Variants in GANAB observed in about 807,000 individuals in gnomAD.
The protein encoded by GANAB is neutral alpha-glucosidase AB.
GANAB carries 35 observed loss-of-function variants against 129.9 expected under a neutral mutation model. That is an observed-to-expected ratio of 0.27 (90% CI 0.21 to 0.36). The LOEUF (loss-of-function observed/expected upper bound fraction) is 0.36, where lower values mean the gene tolerates loss of function less well. GANAB is among the 10% of genes least tolerant of loss of function. The probability of loss-of-function intolerance (pLI) is 1.00; values close to 1 mark genes in which losing one functional copy is unlikely to be tolerated. For missense variants in GANAB, 939 were observed against 1,221.0 expected (o/e 0.77, Z 3.44); for synonymous variants, 482 against 451.8 (o/e 1.07, Z -0.85).
intron 1 of GANAB, among the ~76,000 whole-genome samples, chr11:62,646,179 C>T (rs1182822359): frequency 6.6e-6 from 1 of 152,238 alleles, no homozygotes; most frequent in South Asian, 2.1e-4. Flanking sequence ...CGCGGGGCCG[C>T]AGGCTGCATT....
At position 62,628,812 on chromosome 11, in the gene GANAB, T is replaced by C; in HGVS notation, c.2137A>G (p.Thr713Ala). 6.2e-7 allele frequency: 1 copy of C among 1,614,022 alleles called. No individual in the cohort carries two copies. Among genetic ancestry groups the C allele is most frequent in the Non-Finnish European group, 8.5e-7 (1 of 1,179,990 alleles). Residue 713 changes from threonine (T) to alanine (A), a missense_variant, in exon 17 of 24, where the codon ACC becomes GCC. Thr to Ala is a moderately conservative substitution (Grantham distance 58). Transcript: ENST00000356638. The part of the protein sequence containing the change: ...QRYSLLPFWY[T>A]LLYQAHREGI... Reference sequence around the variant, plus strand: ...TCCCGATGGGCCTGATATAAGAGGGTGTACCAGAAGGGCAGCAAAGAATAT... The same window carrying C: ...TCCCGATGGGCCTGATATAAGAGGGCGTACCAGAAGGGCAGCAAAGAATAT...
chr11:62,646,414 G>C, intron 1 of GANAB, 148 bp downstream of exon 1: 4 of 854,552 alleles, frequency 4.7e-6, no homozygotes, highest in Non-Finnish European at 7.5e-6. Flanking sequence ...GGGGAGACCG[G>C]AGGCGTCTGA....
intron 4 of GANAB, among the ~76,000 whole-genome samples, chr11:62,638,757 C>G (rs1172664985): frequency 6.6e-6 from 1 of 151,886 alleles, no homozygotes; most frequent in African/African-American, 2.4e-5. Flanking sequence ...CCAGGCCTGT[C>G]AGGGAGGAAA....
At chr11:62,634,030 G>T in intron 5 of GANAB, 1 of 430,386 alleles carries the variant, frequency 2.3e-6, no homozygotes, top group Non-Finnish European at 4.2e-6. Flanking sequence ...GTGCCCCTCA[G>T]CTGAGAGTCA....
intron 1 of GANAB, 86 bp downstream of exon 1, chr11:62,646,476 G>C: frequency 6.8e-7 from 1 of 1,477,516 alleles, no homozygotes; most frequent in Middle Eastern, 1.7e-4. Context: ...GTGGCAGAGT[G>C]TCAAGAGACA....
At position 62,631,080 on chromosome 11, in the gene GANAB, A is replaced by T; in HGVS notation, c.1100T>A (p.Leu367Gln). ...AACATCAGAGATGGAGGGCCCCAGC[A>T]GCAGGAAGACGTCAATGATGCCAGT... ...SETGIIDVFL[L>Q]LGPSISDVFR... is the part of the protein sequence containing the mutation. Residue 367 changes from leucine (L) to glutamine (Q), a missense_variant, in exon 10 of 24, where the codon CTG becomes CAG. Around this residue, in one of 5 missense-constraint regions of GANAB, gnomAD observed 220 missense variants for 295.9 expected, o/e 0.74. Coordinates refer to ENST00000356638, the MANE Select transcript of GANAB (RefSeq NM_198334.3). 6.2e-7 allele frequency: 1 copy of T among 1,611,260 alleles called. No homozygotes were observed. Among genetic ancestry groups the T allele is most frequent in the Non-Finnish European group, 8.5e-7 (1 of 1,177,522 alleles).
intron 1 of GANAB, among the ~76,000 whole-genome samples, chr11:62,645,899 A>C (rs1312634481): frequency 6.6e-6 from 1 of 152,098 alleles, no homozygotes; most frequent in Non-Finnish European, 1.5e-5. Context: ...CACTGGTGAT[A>C]TGTTTCGAAT....
At chr11:62,638,764 G>A (rs1426801196) in intron 4 of GANAB, among the ~76,000 whole-genome samples, 1 of 152,104 alleles carries the variant, frequency 6.6e-6, no homozygotes, top group Non-Finnish European at 1.5e-5. Context: ...TGTCAGGGAG[G>A]AAAAAGCAAT....
rs1296882818 is a variant in GANAB, at chr11:62,630,816, G to A, written c.1171C>T (p.Leu391Phe). The A allele has an allele frequency of 1.2e-6, 2 of 1,613,696 alleles. No homozygotes were observed. The highest frequency in any genetic ancestry group is 1.3e-5 in the African/African-American group (1 of 74,908). The stretch of plus-strand genomic sequence containing the variant: ...CTCTGGTGGTAGCCGAGGGAGAAGA[G>A]TGGGGGCAACGCCTGGGTTCCTGCA... ...SLTGTQALPP[L>F]FSLGYHQSRW... The change falls in exon 11 of 24, where the codon CTC becomes TTC. Residue 391 changes from leucine to phenylalanine, a missense_variant. Leu to Phe is a conservative substitution (Grantham distance 22). Around this residue, in one of 5 missense-constraint regions of GANAB, gnomAD observed 220 missense variants for 295.9 expected, o/e 0.74. Coordinates refer to ENST00000356638, the MANE Select transcript of GANAB (RefSeq NM_198334.3).
rs114337787 is a variant in GANAB, at chr11:62,632,458, C to A, written c.996+107G>T. The A allele has an allele frequency of 2.8e-3, 2,271 of 822,130 alleles. 37 individuals carry two copies. In the African/African-American group the frequency reaches 0.035, roughly 13 times the overall value. The allele number at this position is 822,130 out of a possible 1,614,324, so 50.9% of individuals were successfully genotyped here. ...CAAATGCTGCCCACCAGGCCCACAG[C>A]CCCTTCTTAAACCCAGTCCCCAAAT... On this transcript the variant is annotated intron_variant, in intron 9 of 23. Coordinates refer to ENST00000356638, the MANE Select transcript of GANAB (RefSeq NM_198334.3).
intron 3 of GANAB, 90 bp from the exon 4 acceptor site, chr11:62,639,200 C>A: frequency 7.0e-7 from 1 of 1,438,290 alleles, no homozygotes; most frequent in Non-Finnish European, 9.7e-7. Flanking sequence ...GGGGTTTCTT[C>A]CTTTGAGCCC....
In GANAB at chr11:62,646,161, C is replaced by T. The variant is rs571363412; in HGVS notation, c.38+401G>A. Among the ~76,000 whole-genome samples, 3 of 152,296 alleles carry T rather than the reference C, an allele frequency of 2.0e-5. No individual in the cohort carries two copies. The South Asian group carries it at 6.2e-4, about 32-fold the overall frequency. On this transcript the variant is annotated intron_variant, in intron 1 of 23. Coordinates refer to ENST00000356638, the MANE Select transcript of GANAB (RefSeq NM_198334.3). ...GCTGGCCCGGTGCTTCCAGCTCAGC[C>T]GAGGGGCCGCGGGGCCGCAGGCTGC...
intron 1 of GANAB, among the ~76,000 whole-genome samples, chr11:62,641,091 C>A (rs986960345): frequency 6.6e-6 from 1 of 152,014 alleles, no homozygotes; most frequent in African/African-American, 2.4e-5. Context: ...CGTCTGTAAT[C>A]CCACCACTTT....
chr11:62,627,525 A>C (rs938180148), intron 17 of GANAB, among the ~76,000 whole-genome samples, 172 bp from the exon 18 acceptor site: 1 of 152,192 alleles, frequency 6.6e-6, no homozygotes, highest in Non-Finnish European at 1.5e-5. Flanking sequence ...TGAGGTCAGG[A>C]GTTCGAGATC....
chr11:62,641,492 AAATAAC>A (rs1944259567), intron 1 of GANAB, among the ~76,000 whole-genome samples: 1 of 152,112 alleles, frequency 6.6e-6, no homozygotes, highest in South Asian at 2.1e-4. Context: ...AGCTGAAAAA[AAATAAC>A]AATAGCTAAA....
At chr11:62,632,151 TC>T (rs1943719120) in intron 9 of GANAB, among the ~76,000 whole-genome samples, 1 of 151,572 alleles carries the variant, frequency 6.6e-6, no homozygotes, top group Non-Finnish European at 1.5e-5. Flanking sequence ...TTTTTGTTTT[TC>T]TAGTAGAGAT....
intron 2 of GANAB, 50 bp from the exon 3 acceptor site, chr11:62,639,517 C>A (rs1159867317): frequency 6.8e-7 from 1 of 1,481,314 alleles, no homozygotes; most frequent in Non-Finnish European, 9.4e-7. Flanking sequence ...TGCAATGTCC[C>A]TAAGTCAGTC....
intron 1 of GANAB, among the ~76,000 whole-genome samples, chr11:62,644,812 G>A (rs981400050): frequency 1.3e-5 from 2 of 152,034 alleles, no homozygotes; most frequent in African/African-American, 4.8e-5. Flanking sequence ...AACAGAGCGA[G>A]ACCCTGTTTC....
Position 62,629,734 on chromosome 11 carries a change from A to G in GANAB, c.1738-50T>C, listed in dbSNP as rs1220713755. 4 of 1,604,780 alleles carry G rather than the reference A, an allele frequency of 2.5e-6. No individual in the cohort carries two copies. In the African/African-American group the frequency reaches 5.4e-5, roughly 21 times the overall value. On this transcript the variant is annotated intron_variant, in intron 14 of 23. Coordinates refer to ENST00000356638, the MANE Select transcript of GANAB (RefSeq NM_198334.3). Reference sequence around the variant, plus strand: ...TAGTGAGGAGCAAAAGCCAGCTGTCATCTGGTGCAAGTTCCCTAGGCCCTC... The same window carrying G: ...TAGTGAGGAGCAAAAGCCAGCTGTCGTCTGGTGCAAGTTCCCTAGGCCCTC...
Sources: gnomAD v4.1 joint callset for allele counts (sites outside exome capture counted in the v4.1 genomes callset) on GRCh38, gnomAD v4.1.1 for gene constraint, gnomAD v4.1.1 regional missense constraint, MANE v1.5 for transcripts, NCBI Gene and HGNC (gene_info 2026-07-23, HGNC 2026-07-21) for gene names.